The following CRYL1 variants were observed in gnomAD, a reference collection of about 807,000 sequenced individuals.
CRYL1 encodes the protein lambda-crystallin homolog.
In CRYL1, 29 loss-of-function variants were observed where a neutral mutation model predicts 36.6. That is an observed-to-expected ratio of 0.79 (90% CI 0.59 to 1.08). The LOEUF (loss-of-function observed/expected upper bound fraction) is 1.08, where lower values mean the gene tolerates loss of function less well. Ranked by LOEUF, CRYL1 falls within the 50% of genes least tolerant of loss-of-function variation. CRYL1 has a pLI of 0.00. For synonymous variants in CRYL1, 152 were observed against 151.5 expected (o/e 1.00, Z -0.02); for missense variants, 411 against 407.9 (o/e 1.01, Z -0.06).
chr13:20,438,071 A>C (rs1565964207), intron 4 of CRYL1, among the ~76,000 whole-genome samples: 1 of 152,150 alleles, frequency 6.6e-6, no homozygotes, highest in African/African-American at 2.4e-5. Context: ...TTGAGTGGTA[A>C]CCAAATGTGA....
At chr13:20,421,065 C>A (rs1203220281) in intron 5 of CRYL1, among the ~76,000 whole-genome samples, 2 of 151,112 alleles carry the variant, frequency 1.3e-5, no homozygotes, top group African/African-American at 2.4e-5. Flanking sequence ...AACAAACAAA[C>A]AAAAAAAAAA....
intron 3 of CRYL1, among the ~76,000 whole-genome samples, chr13:20,451,747 C>T (rs2032575174): frequency 6.6e-6 from 1 of 152,086 alleles, no homozygotes. Flanking sequence ...GAACTTAAAA[C>T]AGATCTACAA....
rs762112553 is a variant in CRYL1 at position 20,432,027 on chromosome 13, C to T, written c.633+75G>A. On this transcript the variant is annotated intron_variant, in intron 5 of 7. Coordinates refer to ENST00000298248, the MANE Select transcript of CRYL1 (RefSeq NM_015974.3). ...TGCCCAAGGAACAACTTTCACTGTC[C>T]TGCTCAACTTTGAGAGGGAGGGAAG... The T allele has an allele frequency of 3.1e-6, 5 of 1,609,280 alleles. No homozygotes were observed. In the African/African-American group the frequency reaches 6.7e-5, roughly 22 times the overall value.
chr13:20,488,397 G>A (rs2033442523), intron 3 of CRYL1, among the ~76,000 whole-genome samples: 1 of 152,214 alleles, frequency 6.6e-6, no homozygotes, highest in Admixed American at 6.5e-5. Context: ...TTGAAAAACA[G>A]TCCTCTCCTT....
chr13:20,477,953 AAT>A (rs2033199175), intron 3 of CRYL1, among the ~76,000 whole-genome samples: 1 of 144,308 alleles, frequency 6.9e-6, no homozygotes, highest in Middle Eastern at 3.6e-3. Context: ...ATCATTTTAT[AAT>A]ATATATATTA....
At chr13:20,499,980 G>C (rs1470148684) in intron 2 of CRYL1, among the ~76,000 whole-genome samples, 1 of 152,154 alleles carries the variant, frequency 6.6e-6, no homozygotes, top group African/African-American at 2.4e-5. Context: ...TCTTTGGGGG[G>C]AGTTCATGAA....
chr13:20,415,359 G>A lies in CRYL1; in HGVS notation c.634-1972C>T, dbSNP rs2031633452. Among the ~76,000 whole-genome samples the A allele has an allele frequency of 6.6e-6, 1 of 152,104 alleles. No homozygotes were observed. Among genetic ancestry groups the A allele is most frequent in the Non-Finnish European group, 1.5e-5 (1 of 67,980 alleles). Reference sequence around the variant, plus strand: ...GGTCCCCCGAGAAGCGAGAAAAGGGGTTCGAAACCCCCGCCGTGCCCCGCA... The same window carrying A: ...GGTCCCCCGAGAAGCGAGAAAAGGGATTCGAAACCCCCGCCGTGCCCCGCA... On this transcript the variant is annotated intron_variant, in intron 5 of 7. Coordinates refer to ENST00000298248, the MANE Select transcript of CRYL1 (RefSeq NM_015974.3). This position sits in a 1 kb window ranked among gnomAD's most constrained non-coding sequence, Gnocchi z 4.1.
At chr13:20,486,503 T>A (rs1593479310) in intron 3 of CRYL1, among the ~76,000 whole-genome samples, 1 of 117,004 alleles carries the variant, frequency 8.5e-6, no homozygotes, top group East Asian at 2.9e-4. Flanking sequence ...CAAGACAAGC[T>A]CTAATCCTAC....
intron 3 of CRYL1, among the ~76,000 whole-genome samples, chr13:20,473,236 C>T (rs1039346730): frequency 6.6e-6 from 1 of 152,254 alleles, no homozygotes; most frequent in African/African-American, 2.4e-5. Flanking sequence ...GAACAGGAGC[C>T]GGCAGGAGTG....
intron 2 of CRYL1, among the ~76,000 whole-genome samples, chr13:20,492,984 C>T (rs564296725): frequency 2.6e-5 from 4 of 152,300 alleles, no homozygotes; most frequent in African/African-American, 7.2e-5. Flanking sequence ...ATGCCCCCAC[C>T]GGTGACCCTC....
At chr13:20,474,880 C>A (rs1043854326) in intron 3 of CRYL1, among the ~76,000 whole-genome samples, 16 of 152,154 alleles carry the variant, frequency 1.1e-4, no homozygotes, top group Non-Finnish European at 2.1e-4. Flanking sequence ...TTGACCTCCT[C>A]AACTCTGGAT....
intron 5 of CRYL1, chr13:20,427,211 C>A: frequency 1.0e-6 from 1 of 985,488 alleles, no homozygotes; most frequent in Non-Finnish European, 1.2e-6. Context: ...AGCACGCCTC[C>A]GGCAGGGGAA....
chr13:20,420,891 G>A (rs77780625), intron 5 of CRYL1, among the ~76,000 whole-genome samples: 25,948 of 151,368 alleles, frequency 0.17, 2,528 homozygotes, highest in East Asian at 0.31. Context: ...CCGCCACCAC[G>A]CCTGGCTAAT....
chr13:20,432,655 AC>A (rs990971209), intron 4 of CRYL1, among the ~76,000 whole-genome samples: 1 of 151,478 alleles, frequency 6.6e-6, no homozygotes, highest in East Asian at 1.9e-4. Flanking sequence ...CCAGCCCACC[AC>A]CCCCCAGAAT....
At chr13:20,490,562 T>C (rs970740605) in intron 2 of CRYL1, among the ~76,000 whole-genome samples, 1 of 152,136 alleles carries the variant, frequency 6.6e-6, no homozygotes, top group East Asian at 1.9e-4. Context: ...ATACTTAATA[T>C]ACTTAAAATA....
chr13:20,432,108 TAGCCGCC>T lies in CRYL1; in HGVS notation c.620_626del (p.Trp207Ter). On this transcript the variant is annotated frameshift_variant, in exon 5 of 8. Coordinates refer to ENST00000298248, the MANE Select transcript of CRYL1 (RefSeq NM_015974.3). LOFTEE classifies it high-confidence loss of function. ...AGAGGACGGGCACACACACCTCCAC[TAGCCGCC>T]AGGCCTCGCTGATGATTGCATATTG... 3 of 1,614,052 alleles carry T rather than the reference TAGCCGCC, an allele frequency of 1.9e-6. No individual in the cohort carries two copies. The highest frequency in any genetic ancestry group is 2.5e-6 in the Non-Finnish European group (3 of 1,180,000).
intron 5 of CRYL1, among the ~76,000 whole-genome samples, chr13:20,424,500 G>A (rs1261197655): frequency 2.6e-5 from 4 of 152,234 alleles, no homozygotes; most frequent in Admixed American, 1.3e-4. Flanking sequence ...ACTTCAGAAG[G>A]CGCAGAAGAC....
chr13:20,449,176 A>G (rs1021483271), intron 3 of CRYL1, among the ~76,000 whole-genome samples: 3 of 152,234 alleles, frequency 2.0e-5, no homozygotes, highest in Non-Finnish European at 4.4e-5. Context: ...TAGAAATGAA[A>G]TAATTGAAGG....
intron 4 of CRYL1, among the ~76,000 whole-genome samples, chr13:20,432,743 T>A (rs960970311): frequency 3.3e-5 from 5 of 152,056 alleles, no homozygotes; most frequent in African/African-American, 1.2e-4. Context: ...GCAAGCTGGG[T>A]GCGGTGGCTC....
Sources: allele counts gnomAD v4.1 joint callset (sites outside exome capture counted in the v4.1 genomes callset), GRCh38; gene constraint gnomAD v4.1.1; non-coding constraint Gnocchi (gnomAD v3.1); transcripts MANE v1.5; gene names NCBI Gene and HGNC (gene_info 2026-07-23, HGNC 2026-07-21).